Variants in KIAA0319L observed in about 807,000 individuals in gnomAD.
KIAA0319L encodes the protein KIAA0319 like.
Under a neutral mutation model 120.1 loss-of-function variants are expected in KIAA0319L, and 55 were observed. The ratio of observed to expected loss-of-function variants is 0.46; its 90% CI spans 0.37 to 0.57. KIAA0319L has a LOEUF of 0.57. Ranked by LOEUF, KIAA0319L falls within the 20% of genes least tolerant of loss-of-function variation. The pLI is 0.00. For missense variants in KIAA0319L, 1,049 were observed against 1,255.3 expected (o/e 0.84, Z 2.48); for synonymous variants, 398 against 471.9 (o/e 0.84, Z 2.03).
intron 1 of KIAA0319L, among the ~76,000 whole-genome samples, chr1:35,555,531 C>A (rs990151624): frequency 1.3e-5 from 2 of 152,226 alleles, no homozygotes; most frequent in African/African-American, 4.8e-5. Flanking sequence ...CTTCATCGTT[C>A]TCATTCACTT....
intron 6 of KIAA0319L, 70 bp downstream of exon 6, chr1:35,470,793 T>C (rs549612487): frequency 3.2e-6 from 3 of 937,624 alleles, no homozygotes; most frequent in African/African-American, 1.6e-5. Context: ...CAGAAAATTA[T>C]ATGATATTCA....
chr1:35,495,304 T>C (rs547365269), intron 3 of KIAA0319L, among the ~76,000 whole-genome samples: 1 of 152,194 alleles, frequency 6.6e-6, no homozygotes, highest in Non-Finnish European at 1.5e-5. Flanking sequence ...ACCTGGGAGA[T>C]GGAGGTTGCA....
At chr1:35,546,817 T>C (rs889410329) in intron 2 of KIAA0319L, among the ~76,000 whole-genome samples, 11 of 151,990 alleles carry the variant, frequency 7.2e-5, no homozygotes, top group Non-Finnish European at 1.3e-4. Flanking sequence ...AGATGAATAA[T>C]AACAAGTGTT....
chr1:35,541,290 GT>G (rs1352696995), intron 2 of KIAA0319L, among the ~76,000 whole-genome samples: 1 of 135,890 alleles, frequency 7.4e-6, no homozygotes, highest in Non-Finnish European at 1.6e-5. Context: ...TGATAAATAT[GT>G]TTTGAAGGAA....
At chr1:35,497,238 A>AAAAAAAAAAAAGATGAAATGTTATC (rs2148372701) in intron 3 of KIAA0319L, among the ~76,000 whole-genome samples, 1 of 126,216 alleles carries the variant, frequency 7.9e-6, no homozygotes, top group South Asian at 2.6e-4. Flanking sequence ...GGAAAAAGAC[A>AAAAAAAAAAAAGATGAAATGTTATC]AAAAAAAAAA....
At chr1:35,444,330 G>A (rs1383889416) in intron 16 of KIAA0319L, 27 bp from the exon 17 acceptor site, 4 of 1,566,710 alleles carry the variant, frequency 2.6e-6, no homozygotes, top group Non-Finnish European at 3.5e-6. Flanking sequence ...CAGTACTAAT[G>A]AGCTGAAGCG....
At chr1:35,447,667 G>A (rs1473005189) in intron 16 of KIAA0319L, among the ~76,000 whole-genome samples, 1 of 151,484 alleles carries the variant, frequency 6.6e-6, no homozygotes, top group Non-Finnish European at 1.5e-5. Context: ...AAACCCCTGG[G>A]CTCAAGTAAT....
chr1:35,489,744 G>A (rs1445740328), intron 3 of KIAA0319L, among the ~76,000 whole-genome samples: 1 of 150,730 alleles, frequency 6.6e-6, no homozygotes, highest in Non-Finnish European at 1.5e-5. Flanking sequence ...TCCACTCACT[G>A]TAACCTCTGC....
At chr1:35,486,943 T>C (rs1395458095) in intron 3 of KIAA0319L, among the ~76,000 whole-genome samples, 1 of 152,048 alleles carries the variant, frequency 6.6e-6, no homozygotes, top group Non-Finnish European at 1.5e-5. Flanking sequence ...CCTTTAATTA[T>C]CTGAACATAC....
rs144955905 is a variant in KIAA0319L at position 35,457,135 on chromosome 1, T to C, written c.1428-894A>G. Among the ~76,000 whole-genome samples the C allele has an allele frequency of 1.4e-3, 210 of 152,262 alleles. 3 individuals carry two copies. Among genetic ancestry groups the C allele is most frequent in the Middle Eastern group, 0.01 (3 of 294 alleles). ...TAACAACCATATAGAGTAGGCATCA[T>C]TGATTCCAGTTTTATAAGAGGCTTA... is the stretch of plus-strand genomic sequence containing the variant. On this transcript the variant is annotated intron_variant, in intron 9 of 20. Transcript: ENST00000325722.
Position 35,448,036 on chromosome 1 carries a change from T to C in KIAA0319L, c.2513+137A>G, listed in dbSNP as rs189487778. ...ACCTGCACTAGAAGACAGAAGTCTATTGAAGAAAAGGCAACATGAGTGTTT... is the reference window on the plus strand; with the variant it reads ...ACCTGCACTAGAAGACAGAAGTCTACTGAAGAAAAGGCAACATGAGTGTTT... On this transcript the variant is annotated intron_variant, in intron 16 of 20. Transcript: ENST00000325722. 9.1e-4 allele frequency: 747 copies of C among 817,140 alleles called. 17 individuals carry two copies. In the East Asian group the frequency reaches 0.018, roughly 20 times the overall value. 50.6% of individuals were successfully genotyped at this position (817,140 alleles called of 1,614,324 possible). A position where few individuals can be genotyped will look rare whatever the true frequency, so the allele number is the denominator to read the frequency against.
At position 35,460,454 on chromosome 1, in the gene KIAA0319L, C is replaced by T. The variant is rs1642811449; in HGVS notation, c.1295-17G>A. On this transcript the variant is annotated splice_polypyrimidine_tract_variant and intron_variant, in intron 8 of 20. Coordinates refer to ENST00000325722, the MANE Select transcript of KIAA0319L (RefSeq NM_024874.5). Reference sequence around the variant, plus strand: ...CAGTGCTTTCTTGACCATAAAGAAACATCAGTTACAACATGAGAACGCTTG... The same window carrying T: ...CAGTGCTTTCTTGACCATAAAGAAATATCAGTTACAACATGAGAACGCTTG... 1.2e-6 allele frequency: 2 copies of T among 1,610,052 alleles called. No individual in the cohort carries two copies. Among genetic ancestry groups the T allele is most frequent in the Non-Finnish European group, 1.7e-6 (2 of 1,178,436 alleles).
At chr1:35,551,370 T>G (rs1020181616) in intron 2 of KIAA0319L, among the ~76,000 whole-genome samples, 1 of 152,218 alleles carries the variant, frequency 6.6e-6, no homozygotes, top group Non-Finnish European at 1.5e-5. Flanking sequence ...CAGGCTGGAA[T>G]GCTGTGGTGC....
chr1:35,549,594 G>C (rs1044152003), intron 2 of KIAA0319L, among the ~76,000 whole-genome samples: 2 of 152,178 alleles, frequency 1.3e-5, no homozygotes, highest in African/African-American at 2.4e-5. Flanking sequence ...TGGCTTCAGT[G>C]ATTCTCCCTG....
chr1:35,445,645 TCA>T (rs1262488673), intron 16 of KIAA0319L, among the ~76,000 whole-genome samples: 1 of 152,212 alleles, frequency 6.6e-6, no homozygotes, highest in African/African-American at 2.4e-5. Context: ...ACTAGTATTT[TCA>T]CAGATAGTAA....
intron 2 of KIAA0319L, among the ~76,000 whole-genome samples, chr1:35,513,288 A>ATATAT (rs1414704674): frequency 3.8e-4 from 32 of 85,306 alleles, no homozygotes; most frequent in African/African-American, 1.2e-3. Flanking sequence ...ATATATATAT[A>ATATAT]TTTTTTTTTT....
chr1:35,459,868 C>T (rs1642767356), intron 9 of KIAA0319L, among the ~76,000 whole-genome samples: 1 of 152,004 alleles, frequency 6.6e-6, no homozygotes, highest in Non-Finnish European at 1.5e-5. Context: ...CCCCAAAAGC[C>T]CCAGCAGAGA....
chr1:35,455,931 GT>G (rs1449296681), intron 10 of KIAA0319L, 81 bp downstream of exon 10: 1 of 1,071,156 alleles, frequency 9.3e-7, no homozygotes, highest in African/African-American at 1.6e-5. Context: ...AGCTTTCTCA[GT>G]TTGTTTGGAG....
chr1:35,450,278 T>G (rs547435038), intron 14 of KIAA0319L, 80 bp downstream of exon 14: 1 of 1,433,040 alleles, frequency 7.0e-7, no homozygotes, highest in East Asian at 2.3e-5. Flanking sequence ...AAGGGACCAC[T>G]TGATTAAAGC....
Sources: allele counts gnomAD v4.1 joint callset (sites outside exome capture counted in the v4.1 genomes callset), GRCh38; gene constraint gnomAD v4.1.1; transcripts MANE v1.5; gene names NCBI Gene and HGNC (gene_info 2026-07-23, HGNC 2026-07-21).